SBNO1: variants seen among roughly 807,000 people sequenced by gnomAD.
The protein encoded by SBNO1 is strawberry notch homolog 1, also known as protein strawberry notch homolog 1.
SBNO1 carries 23 observed loss-of-function variants against 173.6 expected under a neutral mutation model. The ratio of observed to expected loss-of-function variants is 0.13; its 90% CI spans 0.10 to 0.19. The LOEUF is 0.19. Ranked by LOEUF, SBNO1 falls within the 10% of genes least tolerant of loss-of-function variation. SBNO1 has a pLI of 1.00. For synonymous variants in SBNO1, 632 were observed against 571.5 expected (o/e 1.11, Z -1.51); for missense variants, 1,238 against 1,671.2 (o/e 0.74, Z 4.52).
chr12:123,355,700 T>C (rs908227568), intron 1 of SBNO1, among the ~76,000 whole-genome samples: 1 of 152,122 alleles, frequency 6.6e-6, no homozygotes, highest in African/African-American at 2.4e-5. Flanking sequence ...GGAGGATCCC[T>C]TGAGCCTAGC....
chr12:123,326,314 C>A lies in SBNO1; in HGVS notation c.1713G>T (p.Arg571=). Reference sequence around the variant, plus strand: ...CAATCAGATCTGCAGCTTGCTGAAACCGCTCTCTGGCGATGACCCACTGAA... The same window carrying A: ...CAATCAGATCTGCAGCTTGCTGAAAACGCTCTCTGGCGATGACCCACTGAA... ...AVKLWVIARE[R]FQQAADLIDA... Residue 571 remains arginine, a synonymous_variant, in exon 14 of 32, where the codon CGG becomes CGT. Transcript: ENST00000602398. The A allele has an allele frequency of 6.2e-7, 1 of 1,604,716 alleles. No individual in the cohort carries two copies. Among genetic ancestry groups the A allele is most frequent in the Non-Finnish European group, 8.5e-7 (1 of 1,174,958 alleles).
intron 9 of SBNO1, among the ~76,000 whole-genome samples, chr12:123,329,959 G>C (rs1593373340): frequency 6.6e-6 from 1 of 152,156 alleles, no homozygotes; most frequent in East Asian, 1.9e-4. Flanking sequence ...GTGAGCAGAG[G>C]TATGAGTAAC....
intron 12 of SBNO1, 42 bp from the exon 13 acceptor site, chr12:123,327,621 A>C: frequency 6.3e-7 from 1 of 1,598,828 alleles, no homozygotes; most frequent in East Asian, 2.2e-5. Flanking sequence ...AATACAGTAG[A>C]ATTTTAACAT....
chr12:123,348,192 G>C (rs1388594539), intron 2 of SBNO1, 59 bp from the exon 3 acceptor site: 1 of 943,388 alleles, frequency 1.1e-6, no homozygotes, highest in Non-Finnish European at 1.7e-6. Flanking sequence ...TCTGTTTCAA[G>C]GACAAGGTTT....
intron 1 of SBNO1, among the ~76,000 whole-genome samples, chr12:123,363,249 C>T (rs1195807230): frequency 1.3e-5 from 2 of 152,172 alleles, no homozygotes; most frequent in South Asian, 2.1e-4. Flanking sequence ...CCCTTGCTTG[C>T]AAAATTAATG....
chr12:123,314,089 CA>C (rs999617320), intron 23 of SBNO1, among the ~76,000 whole-genome samples: 10 of 152,032 alleles, frequency 6.6e-5, no homozygotes, highest in African/African-American at 2.2e-4. Flanking sequence ...TCCCTCTCAA[CA>C]AAACCCCAAA....
chr12:123,304,737 C>A lies in SBNO1; in HGVS notation c.3631-18G>T. 7.0e-7 allele frequency: 1 copy of A among 1,420,174 alleles called. No homozygotes were observed. The highest frequency in any genetic ancestry group is 9.8e-7 in the Non-Finnish European group (1 of 1,025,320). 88.0% of individuals were successfully genotyped at this position (1,420,174 alleles called of 1,614,324 possible). A position where few individuals can be genotyped will look rare whatever the true frequency, so the allele number is the denominator to read the frequency against. ...TTCCTTATCTGTTTAAAGAAAATGA[C>A]AAAATATAAAGATTTTATAATACAC... On this transcript the variant is annotated intron_variant, in intron 28 of 31. Transcript: ENST00000602398.
rs1382594251 is a variant in SBNO1 at position 123,348,013 on chromosome 12, T to C, written c.237+16A>G. On this transcript the variant is annotated intron_variant, in intron 3 of 31. Transcript: ENST00000602398. The stretch of plus-strand genomic sequence containing the variant: ...AAACTATTTTAGAAGTAACGACGAA[T>C]CTAAATCATTCTTACCCTCACATTT... 4.1e-6 allele frequency: 6 copies of C among 1,480,658 alleles called. No individual in the cohort carries two copies. Among genetic ancestry groups the C allele is most frequent in the East Asian group, 2.3e-5 (1 of 43,642 alleles). 91.7% of individuals were successfully genotyped at this position (1,480,658 alleles called of 1,614,324 possible).
intron 24 of SBNO1, among the ~76,000 whole-genome samples, chr12:123,312,098 G>A (rs986900164): frequency 6.9e-6 from 1 of 144,116 alleles, no homozygotes; most frequent in African/African-American, 2.6e-5. Context: ...TTTTTTTTCT[G>A]AGACAGGGTC....
intron 16 of SBNO1, among the ~76,000 whole-genome samples, chr12:123,322,182 G>A (rs1232863164): frequency 6.6e-6 from 1 of 152,122 alleles, no homozygotes; most frequent in Non-Finnish European, 1.5e-5. Context: ...GCCCAGGCTG[G>A]AGTGCAGTGG....
At chr12:123,335,195 C>G (rs574269831) in intron 6 of SBNO1, among the ~76,000 whole-genome samples, 1 of 152,148 alleles carries the variant, frequency 6.6e-6, no homozygotes, top group East Asian at 1.9e-4. Flanking sequence ...ATCTCAGCAG[C>G]TGGGAGGCCA....
At position 123,345,335 on chromosome 12, in the gene SBNO1, A is replaced by C; in HGVS notation, c.473T>G (p.Leu158Arg). Residue 158 changes from leucine (L) to arginine (R), a missense_variant, in exon 4 of 32, where the codon CTG (leucine) becomes CGG (arginine). Coordinates refer to ENST00000602398, the MANE Select transcript of SBNO1 (RefSeq NM_001167856.3). ...CAGTTCATTAAGACTATTATTTTTC[A>C]GTAGATCTTTAAGCTGAACTTGGTC... ...SKDQVQLKDL[L>R]KNNSLNELMK... is the part of the protein sequence containing the mutation. 6.2e-7 allele frequency: 1 copy of C among 1,614,186 alleles called. No individual in the cohort carries two copies.
rs2048560094 is a variant in SBNO1 at position 123,294,634 on chromosome 12, C to CAAAAAAAAAGAAAAAAAAAAAAAAA, written c.*1273_*1274insTTTTTTTTTTTTTTTCTTTTTTTTT. 1.7e-5 allele frequency: 1 copy of CAAAAAAAAAGAAAAAAAAAAAAAAA among 59,958 alleles called. No homozygotes were observed. The highest frequency in any genetic ancestry group is 2.7e-5 in the Non-Finnish European group (1 of 36,860). 3.7% of individuals were successfully genotyped at this position (59,958 alleles called of 1,614,324 possible). ...TTTTCAATAGTGCAACCTGTGGAAG[C>CAAAAAAAAAGAAAAAAAAAAAAAAA]AAAAAAAAAAAAAAAAAAAAAAAAA... On this transcript the variant is annotated 3_prime_UTR_variant, in exon 32 of 32. Transcript: ENST00000602398.
intron 12 of SBNO1, 37 bp from the exon 13 acceptor site, chr12:123,327,616 A>G: frequency 6.2e-7 from 1 of 1,601,708 alleles, no homozygotes; most frequent in Non-Finnish European, 8.5e-7. Flanking sequence ...TTACCAATAC[A>G]GTAGAATTTT....
chr12:123,298,926 CA>C (rs1482296370), intron 30 of SBNO1, among the ~76,000 whole-genome samples: 1 of 152,004 alleles, frequency 6.6e-6, no homozygotes, highest in East Asian at 1.9e-4. Context: ...TCTATCTCTA[CA>C]AAAAGTTTAA....
Position 123,364,716 on chromosome 12 carries a change from C to G in SBNO1, c.-16G>C. 4.1e-6 allele frequency: 4 copies of G among 985,988 alleles called. No individual in the cohort carries two copies. The South Asian group carries it at 1.8e-4, about 45-fold the overall frequency. 61.1% of individuals were successfully genotyped at this position (985,988 alleles called of 1,614,324 possible). On this transcript the variant is annotated 5_prime_UTR_variant, in exon 1 of 32. Coordinates refer to ENST00000602398, the MANE Select transcript of SBNO1 (RefSeq NM_001167856.3). ...AAGGACTTACTTTCCCCGCGGGACCCGGCGCCAGCACAGCTCCTCCCGGGA... is the reference window on the plus strand; with the variant it reads ...AAGGACTTACTTTCCCCGCGGGACCGGGCGCCAGCACAGCTCCTCCCGGGA...
At chr12:123,345,669 A>C in intron 3 of SBNO1, 99 bp from the exon 4 acceptor site, 2 of 1,016,002 alleles carry the variant, frequency 2.0e-6, no homozygotes, top group African/African-American at 1.6e-5. Context: ...TCTAAAATGC[A>C]CTTTTATTAT....
rs1279655573 is a variant in SBNO1 at position 123,303,007 on chromosome 12, A to G, written c.3769-107T>C. ...GTAGCCAATTTAAAATAATCTCTAC[A>G]CAAAAAGCCTAACCCTTGCTATTAA... is the stretch of plus-strand genomic sequence containing the variant. On this transcript the variant is annotated intron_variant, in intron 29 of 31. Transcript: ENST00000602398. 6 of 821,906 alleles carry G rather than the reference A, an allele frequency of 7.3e-6. No individual in the cohort carries two copies. The Admixed American group carries it at 1.1e-4, about 15-fold the overall frequency. 50.9% of individuals were successfully genotyped at this position (821,906 alleles called of 1,614,324 possible).
At chr12:123,339,227 T>C (rs1344063533) in intron 5 of SBNO1, among the ~76,000 whole-genome samples, 1 of 152,144 alleles carries the variant, frequency 6.6e-6, no homozygotes, top group Non-Finnish European at 1.5e-5. Flanking sequence ...TAGAACCAAG[T>C]CCCAAAATTC....
Sources: gnomAD v4.1 joint callset for allele counts (sites outside exome capture counted in the v4.1 genomes callset) on GRCh38, gnomAD v4.1.1 for gene constraint, MANE v1.5 for transcripts, NCBI Gene and HGNC (gene_info 2026-07-23, HGNC 2026-07-21) for gene names.